Variants in KDM4C observed in about 807,000 individuals in gnomAD.
KDM4C encodes the protein lysine demethylase 4C, also known as lysine-specific demethylase 4C.
In KDM4C, 81 loss-of-function variants were observed where a neutral mutation model predicts 129.3. That is an observed-to-expected ratio of 0.63 (90% confidence interval 0.52 to 0.75). KDM4C has a LOEUF of 0.75. Ranked by LOEUF, KDM4C falls within the 30% of genes least tolerant of loss-of-function variation. KDM4C has a pLI of 0.00. For synonymous variants in KDM4C, 573 were observed against 456.1 expected (o/e 1.26, Z -3.26); for missense variants, 1,457 against 1,304.0 (o/e 1.12, Z -1.81).
chr9:7,141,332 A>G (rs964711411), intron 19 of KDM4C, among the ~76,000 whole-genome samples: 1 of 152,108 alleles, frequency 6.6e-6, no homozygotes, highest in Non-Finnish European at 1.5e-5. Flanking sequence ...AGACTATAAG[A>G]GACTATAAAA....
chr9:6,790,238 A>C (rs955423337), intron 1 of KDM4C, among the ~76,000 whole-genome samples: 1 of 151,474 alleles, frequency 6.6e-6, no homozygotes, highest in Non-Finnish European at 1.5e-5. Context: ...CTACATCACT[A>C]TCTGTAGCCC....
intron 17 of KDM4C, among the ~76,000 whole-genome samples, chr9:7,061,140 G>C (rs191464004): frequency 6.6e-6 from 1 of 152,166 alleles, no homozygotes; most frequent in East Asian, 1.9e-4. Context: ...TCGGTCAGTT[G>C]CACTATACAG....
chr9:7,045,058 T>C (rs16925200), intron 15 of KDM4C, among the ~76,000 whole-genome samples: 6,770 of 152,052 alleles, frequency 0.045, 197 homozygotes, highest in East Asian at 0.1. Context: ...AGAGTGAATA[T>C]CTTCTTGTGA....
chr9:6,800,436 G>C (rs959428681), intron 2 of KDM4C, among the ~76,000 whole-genome samples: 1 of 151,932 alleles, frequency 6.6e-6, no homozygotes, highest in African/African-American at 2.4e-5. Context: ...CTGCTTGGGA[G>C]GCTGAGGTGG....
chr9:7,030,411 C>G (rs913978956), intron 15 of KDM4C, among the ~76,000 whole-genome samples: 1 of 151,804 alleles, frequency 6.6e-6, no homozygotes, highest in South Asian at 2.1e-4. Flanking sequence ...TACTTTTGTC[C>G]AACCCATAGA....
intron 1 of KDM4C, among the ~76,000 whole-genome samples, chr9:6,739,241 T>A (rs753833687): frequency 2.6e-5 from 4 of 151,624 alleles, no homozygotes; most frequent in Non-Finnish European, 5.9e-5. Flanking sequence ...CCCAGCTAAT[T>A]TTTGTATTTT....
intron 8 of KDM4C, among the ~76,000 whole-genome samples, chr9:6,942,796 A>C (rs1328145896): frequency 6.6e-6 from 1 of 152,164 alleles, no homozygotes; most frequent in African/African-American, 2.4e-5. Context: ...AAACTCAAGG[A>C]ATATAGAAGG....
chr9:6,894,366 TA>T (rs1185946847), intron 8 of KDM4C, among the ~76,000 whole-genome samples: 7 of 152,232 alleles, frequency 4.6e-5, no homozygotes, highest in African/African-American at 1.7e-4. Flanking sequence ...AGAACTGTAC[TA>T]CTACTTCACA....
At chr9:6,844,899 C>G (rs1837586096) in intron 4 of KDM4C, among the ~76,000 whole-genome samples, 3 of 152,032 alleles carry the variant, frequency 2.0e-5, no homozygotes, top group South Asian at 4.1e-4. Context: ...TGTTGGTCAG[C>G]CTGGTCTTGA....
intron 1 of KDM4C, among the ~76,000 whole-genome samples, chr9:6,779,109 A>G (rs1049078311): frequency 1.8e-4 from 26 of 146,104 alleles, no homozygotes; most frequent in Non-Finnish European, 2.2e-4. Flanking sequence ...GCTCACTGCA[A>G]GCTCCACCTT....
chr9:6,945,271 T>C (rs573416010), intron 8 of KDM4C, among the ~76,000 whole-genome samples: 4 of 152,222 alleles, frequency 2.6e-5, no homozygotes, highest in Non-Finnish European at 5.9e-5. Flanking sequence ...GAATATAATT[T>C]ATCTTTTTTC....
chr9:6,732,175 G>C (rs1331142098), intron 1 of KDM4C, among the ~76,000 whole-genome samples: 2 of 151,140 alleles, frequency 1.3e-5, no homozygotes, highest in Non-Finnish European at 2.9e-5. Context: ...GACCATCCTG[G>C]CTAACACAGT....
At chr9:7,099,487 C>T (rs545575276) in intron 17 of KDM4C, among the ~76,000 whole-genome samples, 3 of 152,328 alleles carry the variant, frequency 2.0e-5, no homozygotes, top group Non-Finnish European at 2.9e-5. Flanking sequence ...ATAAATCACA[C>T]CTGCCTGAGG....
intron 8 of KDM4C, among the ~76,000 whole-genome samples, chr9:6,928,425 G>T (rs1823032361): frequency 6.6e-6 from 1 of 152,192 alleles, no homozygotes; most frequent in African/African-American, 2.4e-5. Context: ...GTCCAGAACA[G>T]GGCTGAGATA....
intron 18 of KDM4C, among the ~76,000 whole-genome samples, chr9:7,120,019 A>G (rs983524849): frequency 1.3e-5 from 2 of 152,140 alleles, no homozygotes; most frequent in Admixed American, 6.6e-5. Flanking sequence ...TTAGTGAGCC[A>G]TTAGTAATTA....
At chr9:7,164,660 C>T (rs998968159) in intron 19 of KDM4C, among the ~76,000 whole-genome samples, 10 of 152,274 alleles carry the variant, frequency 6.6e-5, no homozygotes, top group South Asian at 2.1e-4. Context: ...CAAGTCCTAC[C>T]GGCTTCAATC....
chr9:6,948,527 C>G (rs1271640014), intron 8 of KDM4C, among the ~76,000 whole-genome samples: 1 of 131,210 alleles, frequency 7.6e-6, no homozygotes, highest in Non-Finnish European at 1.6e-5. Flanking sequence ...GGGTGTTTCT[C>G]GCAGAGGGGG....
intron 18 of KDM4C, among the ~76,000 whole-genome samples, chr9:7,115,397 A>G (rs1350504983): frequency 6.6e-6 from 1 of 152,182 alleles, no homozygotes; most frequent in Non-Finnish European, 1.5e-5. Context: ...AGTGACACTA[A>G]TCTCATATTT....
chr9:7,078,594 C>T (rs929234216), intron 17 of KDM4C, among the ~76,000 whole-genome samples: 1 of 152,018 alleles, frequency 6.6e-6, no homozygotes, highest in Admixed American at 6.6e-5. Flanking sequence ...CTAGCCAAGC[C>T]CAAGGTCTGT....
Sources: allele counts gnomAD v4.1 joint callset (sites outside exome capture counted in the v4.1 genomes callset), GRCh38; gene constraint gnomAD v4.1.1; transcripts MANE v1.5; gene names NCBI Gene and HGNC (gene_info 2026-07-23, HGNC 2026-07-21).